Variants in EPHB1 observed in about 807,000 individuals in gnomAD.
EPHB1 encodes the protein ephrin type-B receptor 1.
A neutral mutation model predicts 94.4 loss-of-function variants in EPHB1; 30 were observed. The observed-to-expected ratio is 0.32, with a 90% CI of 0.24 to 0.43. The LOEUF (loss-of-function observed/expected upper bound fraction) is 0.43. Ranked by LOEUF, EPHB1 falls within the 20% of genes least tolerant of loss-of-function variation. The pLI is 1.00. For missense variants in EPHB1, 1,055 were observed against 1,308.3 expected, an observed-to-expected ratio of 0.81 and a Z score of 2.99; for synonymous variants, 522 against 489.1, an observed-to-expected ratio of 1.07 and a Z score of -0.89.
At chr3:134,940,066 C>T (rs2039082944) in intron 2 of EPHB1, among the ~76,000 whole-genome samples, 1 of 152,084 alleles carries the variant, frequency 6.6e-6, no homozygotes, top group Non-Finnish European at 1.5e-5. Flanking sequence ...CTGGAGATTC[C>T]CAGAGGGAAA....
intron 2 of EPHB1, among the ~76,000 whole-genome samples, chr3:134,937,320 A>G (rs36163): frequency 0.016 from 2,425 of 152,324 alleles, 71 homozygotes; most frequent in African/African-American, 0.055. Flanking sequence ...CCCAATTGGG[A>G]GAACACACAG....
intron 15 of EPHB1, among the ~76,000 whole-genome samples, chr3:135,249,918 C>T (rs1932998431): frequency 6.6e-6 from 1 of 152,190 alleles, no homozygotes. Context: ...CAGTTGTCAA[C>T]AAGCATGCAT....
chr3:134,887,072 CA>C (rs1277864868), intron 1 of EPHB1, among the ~76,000 whole-genome samples: 1 of 152,186 alleles, frequency 6.6e-6, no homozygotes, highest in Non-Finnish European at 1.5e-5. Context: ...AAAACAATAA[CA>C]GTTTATTCCT....
chr3:134,836,953 A>G (rs1258436486), intron 1 of EPHB1, among the ~76,000 whole-genome samples: 2 of 152,226 alleles, frequency 1.3e-5, no homozygotes, highest in East Asian at 3.8e-4. Flanking sequence ...TCATTTTAAT[A>G]TTCTGATAAG....
chr3:134,968,839 C>G (rs569987560), intron 3 of EPHB1, among the ~76,000 whole-genome samples: 1 of 152,328 alleles, frequency 6.6e-6, no homozygotes, highest in South Asian at 2.1e-4. Flanking sequence ...GCTTCTTTCA[C>G]TCAGCATAAT....
chr3:135,036,988 G>A (rs954982986), intron 3 of EPHB1, among the ~76,000 whole-genome samples: 3 of 152,074 alleles, frequency 2.0e-5, no homozygotes, highest in Non-Finnish European at 4.4e-5. Context: ...AGAGCAATGG[G>A]GTGGTAAATA....
At chr3:135,042,348 G>A (rs1936878598) in intron 3 of EPHB1, among the ~76,000 whole-genome samples, 1 of 151,974 alleles carries the variant, frequency 6.6e-6, no homozygotes, top group Non-Finnish European at 1.5e-5. Flanking sequence ...TGTTACATTG[G>A]GAATTACATT....
chr3:135,154,792 A>G (rs1941300918), intron 6 of EPHB1, among the ~76,000 whole-genome samples: 1 of 152,230 alleles, frequency 6.6e-6, no homozygotes, highest in Non-Finnish European at 1.5e-5. Flanking sequence ...ATATAAATTT[A>G]TATATTATTT....
chr3:134,913,620 C>T (rs2038503375), intron 1 of EPHB1, among the ~76,000 whole-genome samples: 1 of 152,198 alleles, frequency 6.6e-6, no homozygotes. Flanking sequence ...GGGCCCCTAA[C>T]CCCCAAGCCA....
chr3:135,182,361 G>A (rs979582028), intron 10 of EPHB1, among the ~76,000 whole-genome samples: 1 of 152,226 alleles, frequency 6.6e-6, no homozygotes, highest in African/African-American at 2.4e-5. Context: ...AGAGTCGGAA[G>A]TCCTTTATTC....
chr3:135,243,089 AAAAAAGAAAAG>A (rs1249538930), intron 13 of EPHB1, among the ~76,000 whole-genome samples: 1 of 89,624 alleles, frequency 1.1e-5, no homozygotes, highest in African/African-American at 3.8e-5. Flanking sequence ...AAAAAAAAAA[AAAAAAGAAAAG>A]AAAAGAAAAG....
chr3:135,226,248 C>T (rs938256822), intron 12 of EPHB1, among the ~76,000 whole-genome samples: 1 of 152,230 alleles, frequency 6.6e-6, no homozygotes, highest in Non-Finnish European at 1.5e-5. Flanking sequence ...CCACATCCTG[C>T]TCAGTAGCTC....
intron 1 of EPHB1, among the ~76,000 whole-genome samples, chr3:134,818,601 C>T (rs551223480): frequency 1.1e-4 from 16 of 152,324 alleles, no homozygotes; most frequent in African/African-American, 3.4e-4. Context: ...ATCCTCATAG[C>T]TTAGCTCCCA....
intron 4 of EPHB1, among the ~76,000 whole-genome samples, chr3:135,118,016 G>C (rs1233653916): frequency 1.3e-5 from 2 of 152,234 alleles, no homozygotes; most frequent in Non-Finnish European, 2.9e-5. Flanking sequence ...TACTCCATGA[G>C]CAATAATGGA....
intron 1 of EPHB1, among the ~76,000 whole-genome samples, chr3:134,827,384 CACACAT>C (rs975534079): frequency 1.4e-4 from 21 of 145,320 alleles, no homozygotes; most frequent in African/African-American, 5.3e-4. Context: ...CACACACACA[CACACAT>C]ACACACACAC....
intron 1 of EPHB1, among the ~76,000 whole-genome samples, chr3:134,816,514 G>C (rs1168825229): frequency 6.6e-6 from 1 of 152,160 alleles, no homozygotes; most frequent in Non-Finnish European, 1.5e-5. Context: ...CGTCCCGTAA[G>C]TGGGGATGGT....
At chr3:134,865,699 T>C (rs2108305565) in intron 1 of EPHB1, among the ~76,000 whole-genome samples, 1 of 150,098 alleles carries the variant, frequency 6.7e-6, no homozygotes, top group Non-Finnish European at 1.5e-5. Flanking sequence ...CTCAGTGACC[T>C]GACTGGAAAG....
intron 1 of EPHB1, among the ~76,000 whole-genome samples, chr3:134,906,934 G>T (rs901289203): frequency 6.6e-6 from 1 of 152,220 alleles, no homozygotes; most frequent in Non-Finnish European, 1.5e-5. Flanking sequence ...GCCAATGCTT[G>T]TCTCTTAATG....
At chr3:135,195,440 C>T (rs1054942076) in intron 11 of EPHB1, among the ~76,000 whole-genome samples, 16 of 151,738 alleles carry the variant, frequency 1.1e-4, no homozygotes, top group Non-Finnish European at 2.9e-5. Flanking sequence ...CCCACTAACT[C>T]GTCATCTAGC....
Sources: gnomAD v4.1 joint callset for allele counts (sites outside exome capture counted in the v4.1 genomes callset) on GRCh38, gnomAD v4.1.1 for gene constraint, MANE v1.5 for transcripts, NCBI Gene and HGNC (gene_info 2026-07-23, HGNC 2026-07-21) for gene names.